Variants in PAPPA observed in about 807,000 individuals in gnomAD.
PAPPA encodes pappalysin-1.
A neutral mutation model predicts 164.0 loss-of-function variants in PAPPA; 60 were observed. That is an observed-to-expected ratio of 0.37 (90% CI 0.30 to 0.45). The LOEUF (loss-of-function observed/expected upper bound fraction) is 0.45, where lower values mean the gene tolerates loss of function less well. Ranked by LOEUF, PAPPA falls within the 20% of genes least tolerant of loss-of-function variation. PAPPA has a pLI of 1.00. For synonymous variants in PAPPA, 875 were observed against 814.1 expected, an observed-to-expected ratio of 1.07 and a Z score of -1.27; for missense variants, 1,782 against 2,087.3, an observed-to-expected ratio of 0.85 and a Z score of 2.85.
intron 19 of PAPPA, among the ~76,000 whole-genome samples, chr9:116,370,739 A>G (rs116620889): frequency 0.024 from 3,633 of 152,234 alleles, 147 homozygotes; most frequent in African/African-American, 0.083. Flanking sequence ...TATTGACATG[A>G]ATGAAGAGAA....
intron 7 of PAPPA, among the ~76,000 whole-genome samples, chr9:116,247,372 T>C (rs574597607): frequency 1.3e-5 from 2 of 152,348 alleles, no homozygotes; most frequent in African/African-American, 4.8e-5. Flanking sequence ...AAATGCTTTA[T>C]GTAGTCTATT....
At chr9:116,232,968 A>G (rs866736380) in intron 6 of PAPPA, among the ~76,000 whole-genome samples, 10 of 152,088 alleles carry the variant, frequency 6.6e-5, no homozygotes, top group African/African-American at 2.4e-4. Flanking sequence ...CCTGACAGTC[A>G]TTTTCTCCAA....
chr9:116,330,066 A>G (rs1588006499), intron 10 of PAPPA, among the ~76,000 whole-genome samples: 1 of 152,184 alleles, frequency 6.6e-6, no homozygotes, highest in Non-Finnish European at 1.5e-5. Context: ...TGTTGAGGAT[A>G]TATCACTTTT....
intron 6 of PAPPA, among the ~76,000 whole-genome samples, chr9:116,234,185 C>T (rs1214760386): frequency 6.6e-6 from 1 of 152,180 alleles, no homozygotes; most frequent in Non-Finnish European, 1.5e-5. Flanking sequence ...CAAGGAAGAG[C>T]TCTCTGGGAG....
chr9:116,188,324 T>G, intron 2 of PAPPA, 108 bp downstream of exon 2: 2 of 772,088 alleles, frequency 2.6e-6, no homozygotes, highest in Non-Finnish European at 4.2e-6. Context: ...ATTTTCTGGT[T>G]CAACCAGCAG....
chr9:116,196,352 G>A (rs1213168305), intron 2 of PAPPA, among the ~76,000 whole-genome samples: 1 of 152,106 alleles, frequency 6.6e-6, no homozygotes, highest in Non-Finnish European at 1.5e-5. Flanking sequence ...TTCCCACCCT[G>A]GGTTTGGCAT....
intron 7 of PAPPA, among the ~76,000 whole-genome samples, chr9:116,261,652 T>C (rs1405955929): frequency 6.6e-6 from 1 of 152,206 alleles, no homozygotes; most frequent in East Asian, 1.9e-4. Context: ...ACCCTCCTTA[T>C]GTATATATTA....
At chr9:116,171,017 T>C (rs1843770212) in intron 1 of PAPPA, among the ~76,000 whole-genome samples, 1 of 152,236 alleles carries the variant, frequency 6.6e-6, no homozygotes, top group Non-Finnish European at 1.5e-5. Flanking sequence ...TAAATATTCC[T>C]GGTAGTGCTC....
rs1394139722 is a variant in PAPPA, at chr9:116,235,515, C to T, written c.2610C>T (p.Thr870=). The change falls in exon 7 of 22, where the codon ACC becomes ACT. Residue 870 remains threonine (T), a synonymous_variant. Transcript: ENST00000328252. ...EHLEIDAAML[T]STADTPLCLQ... ...TGGAGATCGATGCTGCCATGTTGAC[C>T]TCCACTGCAGACACCCCACTCTGTC... 6.2e-7 allele frequency: 1 copy of T among 1,613,642 alleles called. No individual in the cohort carries two copies. The highest frequency in any genetic ancestry group is 1.7e-5 in the Admixed American group (1 of 60,006).
At chr9:116,155,601 T>A (rs1309432472) in intron 1 of PAPPA, among the ~76,000 whole-genome samples, 1 of 152,166 alleles carries the variant, frequency 6.6e-6, no homozygotes, top group Non-Finnish European at 1.5e-5. Flanking sequence ...CCCCCTTCAC[T>A]GCAGCCAGGA....
chr9:116,383,231 G>A (rs1846756502), intron 21 of PAPPA, among the ~76,000 whole-genome samples: 1 of 152,222 alleles, frequency 6.6e-6, no homozygotes, highest in African/African-American at 2.4e-5. Context: ...CCCCAGCCAA[G>A]GGTTGGGAGG....
At chr9:116,390,917 C>T (rs1415331591) in intron 21 of PAPPA, among the ~76,000 whole-genome samples, 2 of 152,180 alleles carry the variant, frequency 1.3e-5, no homozygotes, top group African/African-American at 4.8e-5. Context: ...ATATTTTATG[C>T]CATGCATTAT....
Position 116,396,930 on chromosome 9 carries a change from A to G in PAPPA, c.*314A>G. 1 of 377,318 alleles carries G rather than the reference A, an allele frequency of 2.7e-6. No individual in the cohort carries two copies. Among genetic ancestry groups the G allele is most frequent in the South Asian group, 4.2e-5 (1 of 23,760 alleles). The allele number at this position is 377,318 out of a possible 1,614,324, so 23.4% of individuals were successfully genotyped here. The stretch of plus-strand genomic sequence containing the variant: ...ACAGCAAGAAACGTGTTCTATATCT[A>G]GAGTGTGCCCATCTGTGTTTAGTAC... On this transcript the variant is annotated 3_prime_UTR_variant, in exon 22 of 22. Transcript: ENST00000328252.
intron 7 of PAPPA, among the ~76,000 whole-genome samples, chr9:116,247,438 G>A (rs999867667): frequency 3.2e-4 from 48 of 152,232 alleles, no homozygotes; most frequent in African/African-American, 9.9e-4. Flanking sequence ...TATGACTAGC[G>A]TTACTGAGGA....
chr9:116,156,851 C>T (rs1280108595), intron 1 of PAPPA, among the ~76,000 whole-genome samples: 3 of 152,220 alleles, frequency 2.0e-5, no homozygotes, highest in Non-Finnish European at 4.4e-5. Flanking sequence ...TTTCAGCTCC[C>T]TCCTTCGTGT....
intron 1 of PAPPA, among the ~76,000 whole-genome samples, chr9:116,157,219 G>A (rs1208549138): frequency 6.6e-6 from 1 of 152,088 alleles, no homozygotes; most frequent in South Asian, 2.1e-4. Flanking sequence ...CCTGGTAGGC[G>A]GGCTATGCTC....
intron 9 of PAPPA, among the ~76,000 whole-genome samples, chr9:116,294,033 G>A (rs1162279800): frequency 4.6e-5 from 7 of 152,174 alleles, no homozygotes; most frequent in Non-Finnish European, 7.3e-5. Flanking sequence ...TTCATAAGCT[G>A]CTTTGTGAGA....
chr9:116,296,304 A>G (rs1254259391), intron 9 of PAPPA, among the ~76,000 whole-genome samples: 7 of 152,226 alleles, frequency 4.6e-5, no homozygotes, highest in African/African-American at 1.2e-4. Flanking sequence ...AAATAAGTAC[A>G]CAAGCACCTA....
In PAPPA at chr9:116,353,032, C is replaced by T. The variant is rs1011050664; in HGVS notation, c.4175+116C>T. On this transcript the variant is annotated intron_variant, in intron 16 of 21. Coordinates refer to ENST00000328252, the MANE Select transcript of PAPPA (RefSeq NM_002581.5). ...ACTGGAGGTAATGACTGCCATTCAT[C>T]CCATTCTGTTCTGTGAGAAGCTAGA... is the stretch of plus-strand genomic sequence containing the variant. 10 of 773,452 alleles carry T rather than the reference C, an allele frequency of 1.3e-5. No homozygotes were observed. The East Asian group carries it at 1.3e-4, about 10-fold the overall frequency. The allele number at this position is 773,452 out of a possible 1,614,324, so 47.9% of individuals were successfully genotyped here.
Sources: allele counts gnomAD v4.1 joint callset (sites outside exome capture counted in the v4.1 genomes callset), GRCh38; gene constraint gnomAD v4.1.1; transcripts MANE v1.5; gene names NCBI Gene and HGNC (gene_info 2026-07-23, HGNC 2026-07-21).